TEN1: variants seen among roughly 807,000 people sequenced by gnomAD.
TEN1 encodes TEN1 subunit of CST complex.
A neutral mutation model predicts 9.3 loss-of-function variants in TEN1; 6 were observed. The observed-to-expected ratio is 0.65, with a 90% CI of 0.35 to 1.27. The LOEUF (loss-of-function observed/expected upper bound fraction) is 1.27. TEN1 is among the 50% of genes most tolerant of loss of function. The pLI is 0.03. For synonymous variants in TEN1, 65 were observed against 65.6 expected (o/e 0.99, Z 0.04); for missense variants, 149 against 158.2 (o/e 0.94, Z 0.31).
intron 1 of TEN1, 162 bp from the exon 2 acceptor site, chr17:75,986,025 G>GGGAGGT: frequency 5.9e-6 from 3 of 511,248 alleles, no homozygotes; most frequent in Non-Finnish European, 1.0e-5. Flanking sequence ...ATCTCCTAAT[G>GGGAGGT]CTATCCCTCC....
intron 1 of TEN1, among the ~76,000 whole-genome samples, chr17:75,982,407 T>C (rs1206673650): frequency 6.6e-6 from 1 of 152,236 alleles, no homozygotes; most frequent in Non-Finnish European, 1.5e-5. Flanking sequence ...CTTTTGTAAG[T>C]TGATTTTTTG....
At chr17:75,985,367 C>T (rs564644740) in intron 1 of TEN1, among the ~76,000 whole-genome samples, 6 of 152,024 alleles carry the variant, frequency 3.9e-5, no homozygotes, top group East Asian at 3.9e-4. Context: ...AGACTGGTCC[C>T]GAATTCCTAG....
intron 3 of TEN1, among the ~76,000 whole-genome samples, chr17:75,992,461 T>C (rs2066191897): frequency 6.6e-6 from 1 of 152,078 alleles, no homozygotes; most frequent in Admixed American, 6.6e-5. Context: ...TGCCTTGGCC[T>C]CCCAAAATGC....
At chr17:75,981,632 C>T (rs1430159482) in intron 1 of TEN1, among the ~76,000 whole-genome samples, 1 of 151,144 alleles carries the variant, frequency 6.6e-6, no homozygotes, top group Non-Finnish European at 1.5e-5. Flanking sequence ...TCCTCCTCTC[C>T]CTCAGGTGCA....
intron 2 of TEN1, among the ~76,000 whole-genome samples, chr17:75,989,514 C>T (rs574846742): frequency 2.0e-5 from 3 of 151,914 alleles, no homozygotes; most frequent in South Asian, 2.1e-4. Context: ...CTGGTTCAAG[C>T]GATTCTCCTG....
chr17:75,992,959 GTTT>G (rs775560066), intron 3 of TEN1, among the ~76,000 whole-genome samples: 1 of 134,962 alleles, frequency 7.4e-6, no homozygotes. Flanking sequence ...CTTACTGCTG[GTTT>G]TTTTTTTTTT....
intron 1 of TEN1, among the ~76,000 whole-genome samples, chr17:75,980,212 G>T (rs981954898): frequency 6.6e-6 from 1 of 152,048 alleles, no homozygotes; most frequent in Non-Finnish European, 1.5e-5. Context: ...AGTGGCATGC[G>T]CCTGTAGTCC....
chr17:75,992,767 C>T (rs1266376179), intron 3 of TEN1, among the ~76,000 whole-genome samples: 2 of 150,780 alleles, frequency 1.3e-5, no homozygotes, highest in African/African-American at 4.9e-5. Flanking sequence ...CCGCCTCGGC[C>T]TCCCAAAGTG....
rs1471497466 is a variant in TEN1 at position 75,986,302 on chromosome 17, T to C, written c.92+18T>C. The C allele has an allele frequency of 6.5e-7, 1 of 1,539,714 alleles. No homozygotes were observed. The highest frequency in any genetic ancestry group is 8.8e-7 in the Non-Finnish European group (1 of 1,140,100). ...TTTGGCAGGTGAGAACGGTTATTTT[T>C]TTCACTGGTGGGGGTGATGATATGT... On this transcript the variant is annotated intron_variant, in intron 2 of 3. Transcript: ENST00000397640.
At chr17:75,993,684 T>A (rs56295610) in intron 3 of TEN1, among the ~76,000 whole-genome samples, 1 of 151,966 alleles carries the variant, frequency 6.6e-6, no homozygotes, top group East Asian at 1.9e-4. Context: ...GCAACACCTC[T>A]GTTGGGTTCT....
intron 2 of TEN1, 21 bp from the exon 3 acceptor site, chr17:75,991,445 T>C (rs903234953): frequency 7.7e-6 from 12 of 1,551,490 alleles, no homozygotes; most frequent in African/African-American, 1.4e-5. Context: ...TGGAAATTAT[T>C]GCATTTCTTC....
chr17:75,983,506 G>C (rs1209966694), intron 1 of TEN1, among the ~76,000 whole-genome samples: 2 of 152,086 alleles, frequency 1.3e-5, no homozygotes, highest in African/African-American at 4.8e-5. Context: ...CCCTGTTTTA[G>C]ACAACCAGTG....
At chr17:75,979,913 T>A (rs1368773701) in intron 1 of TEN1, among the ~76,000 whole-genome samples, 1 of 151,596 alleles carries the variant, frequency 6.6e-6, no homozygotes, top group African/African-American at 2.4e-5. Context: ...GCGGTGCTGC[T>A]CTAAGCCTTC....
In TEN1 at chr17:76,000,206, G is replaced by C. The variant is rs761196403; in HGVS notation, c.316G>C (p.Glu106Gln). The change falls in exon 4 of 4, where the codon GAA (glutamate) becomes CAA (glutamine). Residue 106 changes from glutamate (E) to glutamine (Q), a missense_variant. Transcript: ENST00000397640. This position sits in a 1 kb window ranked among gnomAD's most constrained non-coding sequence, Gnocchi z 5.9. ...CVEGMNLPLLEQAIREQRLYK... is the reference protein window; with the variant it reads ...CVEGMNLPLLQQAIREQRLYK... ...GGAGGGGATGAACCTGCCCTTGTTG[G>C]AACAAGCCATCCGGGAGCAGAGACT... is the stretch of plus-strand genomic sequence containing the variant. 1.9e-6 allele frequency: 3 copies of C among 1,551,496 alleles called. No homozygotes were observed. In the South Asian group the frequency reaches 3.6e-5, roughly 18 times the overall value.
At chr17:75,979,652 G>A (rs566617648) in intron 1 of TEN1, 141 bp downstream of exon 1, 126 of 172,758 alleles carry the variant, frequency 7.3e-4, no homozygotes, top group Non-Finnish European at 1.3e-3. Context: ...GAGTGGTCGG[G>A]AGACTCTGGA....
chr17:75,980,428 A>ATTTTTTTTT (rs758453002), intron 1 of TEN1, among the ~76,000 whole-genome samples: 1 of 146,066 alleles, frequency 6.8e-6, no homozygotes. Context: ...ATCTCTAGTC[A>ATTTTTTTTT]TTTTTTTTTT....
chr17:75,979,255 T>G lies in TEN1; in HGVS notation c.-263T>G. 2 of 814,124 alleles carry G rather than the reference T, an allele frequency of 2.5e-6. No homozygotes were observed. Among genetic ancestry groups the G allele is most frequent in the Non-Finnish European group, 4.0e-6 (2 of 504,698 alleles). The allele number at this position is 814,124 out of a possible 1,614,324, so 50.4% of individuals were successfully genotyped here. A position where few individuals can be genotyped will look rare whatever the true frequency, so the allele number is the denominator to read the frequency against. Reference sequence around the variant, plus strand: ...TCTCCGTGGCCCTTTGGCGCGTGAGTGACAGCGGCCCAGACAGAGGGGGCG... The same window carrying G: ...TCTCCGTGGCCCTTTGGCGCGTGAGGGACAGCGGCCCAGACAGAGGGGGCG... On this transcript the variant is annotated 5_prime_UTR_variant, in exon 1 of 4. Coordinates refer to ENST00000397640, the MANE Select transcript of TEN1 (RefSeq NM_001113324.3).
At position 75,986,294 on chromosome 17, in the gene TEN1, G is replaced by T; in HGVS notation, c.92+10G>T. 6.5e-7 allele frequency: 1 copy of T among 1,541,822 alleles called. No homozygotes were observed. The highest frequency in any genetic ancestry group is 1.2e-5 in the South Asian group (1 of 82,276). On this transcript the variant is annotated intron_variant, in intron 2 of 3. Transcript: ENST00000397640. ...TGAGAACATTTGGCAGGTGAGAACG[G>T]TTATTTTTTTCACTGGTGGGGGTGA...
chr17:75,984,008 G>T (rs1313444846), intron 1 of TEN1, among the ~76,000 whole-genome samples: 1 of 152,176 alleles, frequency 6.6e-6, no homozygotes, highest in Non-Finnish European at 1.5e-5. Context: ...GCAGAGTTCG[G>T]GCTTCTCTGT....
Sources: allele counts gnomAD v4.1 joint callset (sites outside exome capture counted in the v4.1 genomes callset), GRCh38; gene constraint gnomAD v4.1.1; non-coding constraint Gnocchi (gnomAD v3.1); transcripts MANE v1.5; gene names NCBI Gene and HGNC (gene_info 2026-07-23, HGNC 2026-07-21).